Variants in NRXN2 observed in about 807,000 individuals in gnomAD.
NRXN2 encodes neurexin-2-beta.
In NRXN2, 29 loss-of-function variants were observed where a neutral mutation model predicts 128.8. The ratio of observed to expected loss-of-function variants is 0.23; its 90% confidence interval spans 0.17 to 0.31. The LOEUF (loss-of-function observed/expected upper bound fraction) is 0.31, where lower values mean the gene tolerates loss of function less well. Ranked by LOEUF, NRXN2 falls within the 10% of genes least tolerant of loss-of-function variation. NRXN2 has a pLI of 1.00. For missense variants in NRXN2, 1,881 were observed against 2,452.6 expected, an observed-to-expected ratio of 0.77 and a Z score of 4.92; for synonymous variants, 1,098 against 1,075.2, an observed-to-expected ratio of 1.02 and a Z score of -0.41.
intron 20 of NRXN2, among the ~76,000 whole-genome samples, chr11:64,625,900 TAGC>T (rs2043005877): frequency 6.6e-6 from 1 of 152,178 alleles, no homozygotes; most frequent in Non-Finnish European, 1.5e-5. Context: ...GTTCCAGAGA[TAGC>T]AGCCCCACAG....
At chr11:64,650,414 A>G in intron 15 of NRXN2, 34 bp downstream of exon 15, 1 of 1,611,066 alleles carries the variant, frequency 6.2e-7, no homozygotes, top group Non-Finnish European at 8.5e-7. Context: ...TATCTGGGCT[A>G]GGGCCAGGCC....
rs1351756991 is a variant in NRXN2, at chr11:64,620,316, C to T, written c.4230G>A (p.Leu1410=). The change falls in exon 22 of 23, where the codon CTG becomes CTA. Residue 1410 remains leucine (L), a synonymous_variant. Coordinates refer to ENST00000265459, the MANE Select transcript of NRXN2 (RefSeq NM_015080.4). ...SAECPSDDED[L]EECEPSTGGE... is the part of the protein sequence containing the mutation. ...CACCAGTACTGGGCTCACACTCCTCCAGGTCCTCATCATCGCTTGGACACT... is the reference window on the plus strand; with the variant it reads ...CACCAGTACTGGGCTCACACTCCTCTAGGTCCTCATCATCGCTTGGACACT... The T allele has an allele frequency of 6.4e-7, 1 of 1,553,860 alleles. No individual in the cohort carries two copies. Among genetic ancestry groups the T allele is most frequent in the Non-Finnish European group, 8.7e-7 (1 of 1,148,194 alleles).
rs2135457157 is a variant in NRXN2 at position 64,652,174 on chromosome 11, A to G, written c.2417-20T>C. On this transcript the variant is annotated intron_variant, in intron 12 of 22. Coordinates refer to ENST00000265459, the MANE Select transcript of NRXN2 (RefSeq NM_015080.4). Reference sequence around the variant, plus strand: ...CTTTACCTGCGGCACCAAGGGGGGAATGAGGAGGGCACCTATACATGCTCA... The same window carrying G: ...CTTTACCTGCGGCACCAAGGGGGGAGTGAGGAGGGCACCTATACATGCTCA... 1 of 1,607,424 alleles carries G rather than the reference A, an allele frequency of 6.2e-7. No homozygotes were observed. The highest frequency in any genetic ancestry group is 8.5e-7 in the Non-Finnish European group (1 of 1,178,548).
At chr11:64,688,861 G>A (rs1258886299) in intron 5 of NRXN2, 49 of 957,246 alleles carry the variant, frequency 5.1e-5, no homozygotes, top group Non-Finnish European at 6.0e-5. Flanking sequence ...GGTCTCCAGC[G>A]CCCCCCTCCG....
At chr11:64,703,939 G>A (rs750822949) in intron 2 of NRXN2, among the ~76,000 whole-genome samples, 2 of 152,172 alleles carry the variant, frequency 1.3e-5, no homozygotes, top group African/African-American at 2.4e-5. Flanking sequence ...AAGTTCACAC[G>A]GCTAACAAGT....
Position 64,713,375 on chromosome 11 carries a change from C to A in NRXN2, c.325G>T (p.Asp109Tyr). The change falls in exon 2 of 23, where the codon GAC becomes TAC. Residue 109 changes from aspartate (D) to tyrosine (Y), a missense_variant. Around this residue, in one of 7 missense-constraint regions of NRXN2, gnomAD observed 997 missense variants for 1,240.8 expected, o/e 0.80. Transcript: ENST00000265459. The part of the protein sequence containing the change: ...ATLQLDTPVA[D>Y]DRWHMVLLTR... ...AGCAGCACCATGTGCCAGCGGTCGT[C>A]GGCCACCGGCGTGTCCAGCTGCAGC... The A allele has an allele frequency of 1.4e-6, 2 of 1,446,584 alleles. No individual in the cohort carries two copies. Among genetic ancestry groups the A allele is most frequent in the South Asian group, 1.4e-5 (1 of 73,894 alleles). 89.6% of individuals were successfully genotyped at this position (1,446,584 alleles called of 1,614,324 possible). A position where few individuals can be genotyped will look rare whatever the true frequency, so the allele number is the denominator to read the frequency against.
intron 2 of NRXN2, among the ~76,000 whole-genome samples, chr11:64,709,344 A>C (rs529460190): frequency 7.8e-4 from 119 of 152,226 alleles, no homozygotes; most frequent in African/African-American, 2.9e-3. Flanking sequence ...CTCCCCTTAA[A>C]GTCTTCCTTC....
At position 64,710,903 on chromosome 11, in the gene NRXN2, G is replaced by A. The variant is rs149540967; in HGVS notation, c.730+2067C>T. On this transcript the variant is annotated intron_variant, in intron 2 of 22. Coordinates refer to ENST00000265459, the MANE Select transcript of NRXN2 (RefSeq NM_015080.4). ...CTCTACACGCAGGCAAACACACACC[G>A]ACACAGAATTTCACAGTTTAGGAAA... Among the ~76,000 whole-genome samples the A allele has an allele frequency of 6.8e-4, 103 of 152,170 alleles. No individual in the cohort carries two copies. In the East Asian group the frequency reaches 0.018, roughly 26 times the overall value.
chr11:64,670,195 G>A (rs137859509), intron 7 of NRXN2, among the ~76,000 whole-genome samples: 6 of 152,208 alleles, frequency 3.9e-5, no homozygotes, highest in East Asian at 1.9e-4. Flanking sequence ...CCTTGTGCTG[G>A]GGTAACTAGG....
intron 6 of NRXN2, among the ~76,000 whole-genome samples, chr11:64,682,939 T>G (rs2135557287): frequency 6.6e-6 from 1 of 152,242 alleles, no homozygotes; most frequent in Admixed American, 6.5e-5. Flanking sequence ...CTCTAGATGA[T>G]TCCAGGGATA....
chr11:64,712,622 C>G (rs2057041521), intron 2 of NRXN2: 1 of 477,104 alleles, frequency 2.1e-6, no homozygotes, highest in Admixed American at 2.5e-5. Flanking sequence ...CACCCACAAG[C>G]CTTCACGAAC....
Position 64,692,768 on chromosome 11 carries a change from G to A in NRXN2, c.778+79C>T, listed in dbSNP as rs1371427019. 2.1e-5 allele frequency: 32 copies of A among 1,501,406 alleles called. 2 individuals carry two copies. In the South Asian group the frequency reaches 2.6e-4, roughly 12 times the overall value. 93.0% of individuals were successfully genotyped at this position (1,501,406 alleles called of 1,614,324 possible). A position where few individuals can be genotyped will look rare whatever the true frequency, so the allele number is the denominator to read the frequency against. ...GGAGGAGGGGAAGGGGACAGGGGAA[G>A]GACAGGGAGAAGAACAGAAAATCCA... On this transcript the variant is annotated intron_variant, in intron 4 of 22. Coordinates refer to ENST00000265459, the MANE Select transcript of NRXN2 (RefSeq NM_015080.4).
chr11:64,702,488 T>TGA (rs2055619041), intron 2 of NRXN2, among the ~76,000 whole-genome samples: 2 of 151,848 alleles, frequency 1.3e-5, no homozygotes, highest in African/African-American at 2.4e-5. Flanking sequence ...ATCCTGTTGA[T>TGA]CGGTGACCTT....
Position 64,685,862 on chromosome 11 carries a change from A to G in NRXN2, c.936T>C (p.Asp312=), listed in dbSNP as rs1279156600. The G allele has an allele frequency of 6.2e-7, 1 of 1,613,826 alleles. No homozygotes were observed. Among genetic ancestry groups the G allele is most frequent in the African/African-American group, 1.3e-5 (1 of 74,926 alleles). The part of the protein sequence containing the change: ...LSHNPIQSST[D]EITLAFRTLQ... ...GGGTGCGGAAGGCCAGTGTGATCTCATCAGTGCTGCTCTGGATGGGGTTGT... is the reference window on the plus strand; with the variant it reads ...GGGTGCGGAAGGCCAGTGTGATCTCGTCAGTGCTGCTCTGGATGGGGTTGT... Residue 312 remains aspartate (D), a synonymous_variant, in exon 6 of 23, where the codon GAT becomes GAC. Coordinates refer to ENST00000265459, the MANE Select transcript of NRXN2 (RefSeq NM_015080.4).
intron 22 of NRXN2, among the ~76,000 whole-genome samples, chr11:64,616,389 GCTTA>G (rs2041527952): frequency 2.0e-5 from 3 of 152,206 alleles, no homozygotes; most frequent in Admixed American, 2.0e-4. Context: ...TAAGCACACT[GCTTA>G]CTTGCCTGAT....
chr11:64,607,095 CCAGGGAGAGGGTCCCCAGGCCCCTGG>C lies in NRXN2; in HGVS notation c.*75_*100del. The C allele has an allele frequency of 3.1e-6, 4 of 1,304,024 alleles. No individual in the cohort carries two copies. The highest frequency in any genetic ancestry group is 2.8e-5 in the South Asian group (2 of 72,404). The allele number at this position is 1,304,024 out of a possible 1,614,324, so 80.8% of individuals were successfully genotyped here. On this transcript the variant is annotated 3_prime_UTR_variant, in exon 23 of 23. Coordinates refer to ENST00000265459, the MANE Select transcript of NRXN2 (RefSeq NM_015080.4). The stretch of plus-strand genomic sequence containing the variant: ...TCTTCGTAAGAGAAGCCTGAGGCAG[CCAGGGAGAGGGTCCCCAGGCCCCTGG>C]CAGGGAGAGGGTGGCACCCTCCTCC...
chr11:64,656,279 T>A (rs537890194), intron 11 of NRXN2, among the ~76,000 whole-genome samples: 1 of 152,166 alleles, frequency 6.6e-6, no homozygotes, highest in Non-Finnish European at 1.5e-5. Flanking sequence ...TACCCTCCCA[T>A]GGCCCCAGGG....
At chr11:64,671,106 C>G (rs2050572228) in intron 7 of NRXN2, among the ~76,000 whole-genome samples, 1 of 152,114 alleles carries the variant, frequency 6.6e-6, no homozygotes. Context: ...ACCTTACCCC[C>G]TTGGGCTTTT....
rs912107570 is a variant in NRXN2, at chr11:64,648,276, C to T, written c.3346G>A (p.Asp1116Asn). The change falls in exon 17 of 23, where the codon GAT becomes AAT. Residue 1116 changes from aspartate (D) to asparagine (N), a missense_variant. Physicochemically the swap from Asp to Asn is conservative, Grantham distance 23. Coordinates refer to ENST00000265459, the MANE Select transcript of NRXN2 (RefSeq NM_015080.4). The surrounding 1 kb of genome is among the most constrained non-coding windows in gnomAD (Gnocchi z 4.1). ...ANQGVCLQQW[D>N]GFTCDCTMTS... ...ATGGTGCAGTCGCAGGTGAAGCCATCCCACTGCTGCAAGCAGACGCCCTGG... is the reference window on the plus strand; with the variant it reads ...ATGGTGCAGTCGCAGGTGAAGCCATTCCACTGCTGCAAGCAGACGCCCTGG... 1 of 1,614,208 alleles carries T rather than the reference C, an allele frequency of 6.2e-7. No homozygotes were observed. The highest frequency in any genetic ancestry group is 8.5e-7 in the Non-Finnish European group (1 of 1,180,036).
Sources: allele counts gnomAD v4.1 joint callset (sites outside exome capture counted in the v4.1 genomes callset), GRCh38; gene constraint gnomAD v4.1.1; regional missense constraint gnomAD v4.1.1; non-coding constraint Gnocchi (gnomAD v3.1); transcripts MANE v1.5; gene names NCBI Gene and HGNC (gene_info 2026-07-23, HGNC 2026-07-21).